ARID4A: variants seen among roughly 807,000 people sequenced by gnomAD.
ARID4A encodes AT-rich interaction domain 4A, also known as AT-rich interactive domain-containing protein 4A.
ARID4A carries 39 observed loss-of-function variants against 148.6 expected under a neutral mutation model. The ratio of observed to expected loss-of-function variants is 0.26; its 90% CI spans 0.20 to 0.34. The LOEUF (loss-of-function observed/expected upper bound fraction) is 0.34, where lower values mean the gene tolerates loss of function less well. Ranked by LOEUF, ARID4A falls within the 10% of genes least tolerant of loss-of-function variation. The pLI is 1.00. For synonymous variants in ARID4A, 475 were observed against 481.2 expected, an observed-to-expected ratio of 0.99 and a Z score of 0.17; for missense variants, 1,265 against 1,449.1, an observed-to-expected ratio of 0.87 and a Z score of 2.06.
chr14:58,332,651 T>C (rs966031094), intron 11 of ARID4A, among the ~76,000 whole-genome samples: 2 of 152,144 alleles, frequency 1.3e-5, no homozygotes. Flanking sequence ...TGATGTAAAA[T>C]GAATAAAAAT....
At chr14:58,308,934 T>C (rs1263005260) in intron 5 of ARID4A, among the ~76,000 whole-genome samples, 3 of 152,236 alleles carry the variant, frequency 2.0e-5, no homozygotes, top group Non-Finnish European at 4.4e-5. Context: ...ATAGGAGTTA[T>C]GATCATTAGT....
chr14:58,360,238 T>C (rs1425302915), intron 18 of ARID4A, among the ~76,000 whole-genome samples: 1 of 152,122 alleles, frequency 6.6e-6, no homozygotes, highest in African/African-American at 2.4e-5. Flanking sequence ...AGGAGAAGGA[T>C]AAAGTAGGAC....
intron 23 of ARID4A, among the ~76,000 whole-genome samples, chr14:58,368,955 GA>G (rs1159529301): frequency 4.6e-5 from 7 of 152,176 alleles, no homozygotes; most frequent in African/African-American, 1.2e-4. Context: ...TAAAGGGAAA[GA>G]GATTGCCACC....
At chr14:58,371,402 T>C (rs1025950636) in intron 23 of ARID4A, among the ~76,000 whole-genome samples, 5 of 152,182 alleles carry the variant, frequency 3.3e-5, no homozygotes, top group Non-Finnish European at 7.4e-5. Flanking sequence ...GAGAAAATTA[T>C]GTTAAAACCA....
chr14:58,330,015 C>T lies in ARID4A; in HGVS notation c.752C>T (p.Ala251Val). The T allele has an allele frequency of 6.2e-7, 1 of 1,609,244 alleles. No homozygotes were observed. Among genetic ancestry groups the T allele is most frequent in the Non-Finnish European group, 8.5e-7 (1 of 1,178,790 alleles). Residue 251 changes from alanine (A) to valine (V), a missense_variant, in exon 11 of 24, where the codon GCA (alanine) becomes GTA (valine). Physicochemically the swap from Ala to Val is moderately conservative, Grantham distance 64. Transcript: ENST00000355431. ...ELSTKPGLQK[A>V]SIFLKTRVVP... is the part of the protein sequence containing the mutation. ...TTTTCACTCTTAGGGCTTCAGAAAGCAAGCATCTTCTTAAAAACTAGAGTT... is the reference window on the plus strand; with the variant it reads ...TTTTCACTCTTAGGGCTTCAGAAAGTAAGCATCTTCTTAAAAACTAGAGTT...
chr14:58,337,483 A>T (rs965581275), intron 11 of ARID4A, among the ~76,000 whole-genome samples: 1 of 151,766 alleles, frequency 6.6e-6, no homozygotes, highest in African/African-American at 2.4e-5. Flanking sequence ...GGATTATGCA[A>T]TTGTTGTAGT....
intron 23 of ARID4A, among the ~76,000 whole-genome samples, chr14:58,367,718 C>T (rs1026850003): frequency 5.3e-5 from 8 of 152,304 alleles, no homozygotes; most frequent in Middle Eastern, 3.4e-3. Context: ...TGTCCATCTA[C>T]AGTCCATCCC....
chr14:58,331,995 A>ATC (rs2033548157), intron 11 of ARID4A, among the ~76,000 whole-genome samples: 6 of 85,194 alleles, frequency 7.0e-5, no homozygotes, highest in Admixed American at 3.0e-4. Flanking sequence ...CATTTTCCCT[A>ATC]CCCCCCCCCC....
intron 11 of ARID4A, among the ~76,000 whole-genome samples, chr14:58,340,445 G>A (rs992905267): frequency 6.6e-6 from 1 of 152,146 alleles, no homozygotes; most frequent in African/African-American, 2.4e-5. Context: ...CGCCTCCTGG[G>A]TTCAGGTGAT....
chr14:58,302,561 G>A (rs2031265734), intron 3 of ARID4A, among the ~76,000 whole-genome samples: 1 of 152,162 alleles, frequency 6.6e-6, no homozygotes, highest in South Asian at 2.1e-4. Context: ...GGGAGGCTGA[G>A]GCAGGAGAAT....
Position 58,318,809 on chromosome 14 carries a change from A to G in ARID4A, c.449+4A>G. The G allele has an allele frequency of 6.2e-7, 1 of 1,603,360 alleles. No individual in the cohort carries two copies. The highest frequency in any genetic ancestry group is 8.5e-7 in the Non-Finnish European group (1 of 1,170,684). On this transcript the variant is annotated splice_donor_region_variant and intron_variant, in intron 7 of 23. Transcript: ENST00000355431. ...GAAGGAGATCTTCTCTTCCTGTGTG[A>G]GTTTTTTCATATATGGTATCATTTT...
intron 5 of ARID4A, among the ~76,000 whole-genome samples, chr14:58,313,387 C>A (rs2032188738): frequency 6.6e-6 from 1 of 152,156 alleles, no homozygotes; most frequent in East Asian, 1.9e-4. Context: ...ATTGGTAGAT[C>A]CCTCGCTTGT....
intron 22 of ARID4A, 78 bp downstream of exon 22, chr14:58,366,308 T>C: frequency 8.7e-7 from 1 of 1,144,228 alleles, no homozygotes; most frequent in Admixed American, 2.2e-5. Flanking sequence ...TGGATTAATG[T>C]TAATAAAATA....
chr14:58,323,472 T>C lies in ARID4A; in HGVS notation c.450-13T>C. ...TTGTGTTAGGATAATGATCAAGTTA[T>C]TCTAACTTTTAGTACTGAAGATGAA... is the stretch of plus-strand genomic sequence containing the variant. On this transcript the variant is annotated splice_polypyrimidine_tract_variant and intron_variant, in intron 7 of 23. Coordinates refer to ENST00000355431, the MANE Select transcript of ARID4A (RefSeq NM_002892.4). 6.2e-7 allele frequency: 1 copy of C among 1,601,338 alleles called. No homozygotes were observed. Among genetic ancestry groups the C allele is most frequent in the East Asian group, 2.2e-5 (1 of 44,810 alleles).
At chr14:58,371,009 G>T (rs1312507487) in intron 23 of ARID4A, among the ~76,000 whole-genome samples, 1 of 152,098 alleles carries the variant, frequency 6.6e-6, no homozygotes, top group Non-Finnish European at 1.5e-5. Flanking sequence ...AGAATTTGTT[G>T]CCTGGGCATG....
intron 5 of ARID4A, among the ~76,000 whole-genome samples, chr14:58,316,740 C>G (rs1301796811): frequency 6.6e-6 from 1 of 152,142 alleles, no homozygotes; most frequent in African/African-American, 2.4e-5. Flanking sequence ...GCCACCATGC[C>G]TGGCTAATTT....
At chr14:58,309,723 A>T (rs1463904158) in intron 5 of ARID4A, among the ~76,000 whole-genome samples, 1 of 152,246 alleles carries the variant, frequency 6.6e-6, no homozygotes, top group Non-Finnish European at 1.5e-5. Context: ...GAAAATGTAC[A>T]CACACAGATC....
intron 5 of ARID4A, among the ~76,000 whole-genome samples, chr14:58,308,858 T>TA (rs1176917013): frequency 1.3e-5 from 2 of 152,204 alleles, no homozygotes; most frequent in Non-Finnish European, 2.9e-5. Flanking sequence ...TTTCATGAGA[T>TA]ACCAGAAATT....
chr14:58,351,357 C>A, intron 16 of ARID4A, 34 bp downstream of exon 16: 1 of 1,574,472 alleles, frequency 6.4e-7, no homozygotes, highest in Non-Finnish European at 8.6e-7. Flanking sequence ...CCAGAAGCAC[C>A]TGTCTGGGGT....
Sources: allele counts gnomAD v4.1 joint callset (sites outside exome capture counted in the v4.1 genomes callset), GRCh38; gene constraint gnomAD v4.1.1; transcripts MANE v1.5; gene names NCBI Gene and HGNC (gene_info 2026-07-23, HGNC 2026-07-21).